Variants in TSHR observed in about 807,000 individuals in gnomAD.
The protein encoded by TSHR is thyrotropin receptor.
TSHR carries 51 observed loss-of-function variants against 64.1 expected under a neutral mutation model. That is an observed-to-expected ratio of 0.80 (90% CI 0.64 to 1.01). The LOEUF is 1.01. Among genes scored for constraint, TSHR ranks in the 50% least tolerant of loss-of-function variants. TSHR has a pLI of 0.00. For synonymous variants in TSHR, 361 were observed against 361.9 expected (o/e 1.00, Z 0.03); for missense variants, 877 against 942.8 (o/e 0.93, Z 0.91).
intron 1 of TSHR, among the ~76,000 whole-genome samples, chr14:81,038,852 G>GA (rs1359135279): frequency 1.3e-5 from 2 of 151,282 alleles, no homozygotes; most frequent in Non-Finnish European, 3.0e-5. Context: ...ATTGATAATA[G>GA]AAAATATGAA....
intron 8 of TSHR, among the ~76,000 whole-genome samples, chr14:81,126,280 A>C (rs1484482015): frequency 6.6e-6 from 1 of 152,238 alleles, no homozygotes; most frequent in South Asian, 2.1e-4. Flanking sequence ...CCTCAAAATC[A>C]TACAAACCTT....
intron 1 of TSHR, among the ~76,000 whole-genome samples, chr14:81,057,658 A>G (rs944065200): frequency 3.3e-5 from 5 of 152,208 alleles, no homozygotes; most frequent in African/African-American, 1.2e-4. Context: ...TGATTGATTG[A>G]CACAGGTGGT....
chr14:81,059,520 T>C (rs1347267741), intron 1 of TSHR, among the ~76,000 whole-genome samples: 3 of 152,192 alleles, frequency 2.0e-5, no homozygotes, highest in Non-Finnish European at 2.9e-5. Context: ...CAACTAGTTG[T>C]CATTCTAATA....
At chr14:80,970,529 T>A (rs1887538179) in intron 1 of TSHR, among the ~76,000 whole-genome samples, 1 of 152,234 alleles carries the variant, frequency 6.6e-6, no homozygotes, top group South Asian at 2.1e-4. Context: ...ATTCTCTTCT[T>A]GGGACCTGCT....
intron 1 of TSHR, chr14:81,052,979 G>C (rs1458939114): frequency 6.6e-6 from 1 of 152,066 alleles, no homozygotes; most frequent in African/African-American, 2.4e-5. Context: ...GTACTGTACT[G>C]TAAAGAATTG....
At chr14:81,073,844 C>G (rs1229714196) in intron 3 of TSHR, among the ~76,000 whole-genome samples, 1 of 152,100 alleles carries the variant, frequency 6.6e-6, no homozygotes, top group Admixed American at 6.5e-5. Context: ...GGATCCAGTA[C>G]AGTAAAGACA....
chr14:81,102,194 T>C (rs1230710788), intron 7 of TSHR, among the ~76,000 whole-genome samples: 1 of 146,920 alleles, frequency 6.8e-6, no homozygotes, highest in Admixed American at 6.7e-5. Context: ...AAAAAAAAAC[T>C]AAACAATAGT....
chr14:81,045,270 G>A (rs1594994703), intron 1 of TSHR, among the ~76,000 whole-genome samples: 1 of 152,290 alleles, frequency 6.6e-6, no homozygotes, highest in East Asian at 1.9e-4. Flanking sequence ...CAATGCATTA[G>A]GGAGAATTGC....
chr14:81,133,949 A>T (rs1011093823), intron 8 of TSHR, among the ~76,000 whole-genome samples: 1 of 152,160 alleles, frequency 6.6e-6, no homozygotes, highest in Non-Finnish European at 1.5e-5. Context: ...TATTGAGAAC[A>T]CACTAAGAGC....
intron 8 of TSHR, among the ~76,000 whole-genome samples, chr14:81,114,372 G>A (rs1039765272): frequency 7.2e-5 from 11 of 152,342 alleles, no homozygotes; most frequent in Middle Eastern, 3.4e-3. Context: ...CTCCAGAAGC[G>A]CAAGCGGTCA....
At chr14:81,033,371 C>A in intron 1 of TSHR, 1 of 265,170 alleles carries the variant, frequency 3.8e-6, no homozygotes, top group Non-Finnish European at 7.6e-6. Context: ...AGGGGCCATC[C>A]TGGCCACTTT....
intron 1 of TSHR, chr14:81,050,639 C>A (rs1365991414): frequency 6.6e-6 from 1 of 152,122 alleles, no homozygotes; most frequent in Non-Finnish European, 1.5e-5. Flanking sequence ...GTGGTAGGTA[C>A]AATCCTATAA....
intron 3 of TSHR, among the ~76,000 whole-genome samples, chr14:81,077,592 C>T (rs964342941): frequency 1.3e-5 from 2 of 152,168 alleles, no homozygotes; most frequent in Non-Finnish European, 2.9e-5. Flanking sequence ...ATTTAAAATG[C>T]ATTTCATGTA....
In TSHR at chr14:81,002,807, T is replaced by A. The variant is rs1566757939; in HGVS notation, c.170+46957T>A. On this transcript the variant is annotated intron_variant, in intron 1 of 9. Transcript: ENST00000298171. ...TTTTTTTTTTTTTTTTTTTTTTTTT[T>A]ATCTTTTTTTTTTTTTTCTTTTTTT... Among the ~76,000 whole-genome samples the A allele has an allele frequency of 1.1e-3, 28 of 24,384 alleles. 2 individuals are homozygous for A. The highest frequency in any genetic ancestry group is 6.6e-3 in the East Asian group (2 of 302). 16.0% of individuals were successfully genotyped at this position (24,384 alleles called of 152,430 possible). A position where few individuals can be genotyped will look rare whatever the true frequency, so the allele number is the denominator to read the frequency against.
At chr14:81,044,126 A>C (rs2139851662) in intron 1 of TSHR, among the ~76,000 whole-genome samples, 1 of 152,368 alleles carries the variant, frequency 6.6e-6, no homozygotes, top group African/African-American at 2.4e-5. Context: ...CAGCAAAAGA[A>C]ACTATCATCA....
chr14:80,983,314 A>T, intron 1 of TSHR: 1 of 1,118,128 alleles, frequency 8.9e-7, no homozygotes, highest in Non-Finnish European at 1.3e-6. Context: ...GTCCATCACT[A>T]CATTGTTGCC....
intron 1 of TSHR, among the ~76,000 whole-genome samples, chr14:81,058,696 T>C (rs945327342): frequency 2.0e-5 from 3 of 152,246 alleles, no homozygotes; most frequent in Non-Finnish European, 4.4e-5. Context: ...GTGAAGCACT[T>C]TGAAGATTTT....
chr14:81,101,108 G>T (rs1436175463), intron 7 of TSHR, among the ~76,000 whole-genome samples: 2 of 152,064 alleles, frequency 1.3e-5, no homozygotes, highest in Admixed American at 6.6e-5. Flanking sequence ...TTGTCACTCT[G>T]GAAATTCCAA....
At position 81,117,275 on chromosome 14, in the gene TSHR, T is replaced by C. The variant is rs2140054656; in HGVS notation, c.692+8823T>C. ...TTTTTGAAAGGATCAACAAAATAGA[T>C]AGACCACTAGCAAGACTACTAAAGA... is the stretch of plus-strand genomic sequence containing the variant. On this transcript the variant is annotated intron_variant, in intron 8 of 9. Transcript: ENST00000298171. Among the ~76,000 whole-genome samples, 2 of 122,400 alleles carry C rather than the reference T, an allele frequency of 1.6e-5. 1 individual carries two copies. The highest frequency in any genetic ancestry group is 5.8e-4 in the South Asian group (2 of 3,468). 80.3% of individuals were successfully genotyped at this position (122,400 alleles called of 152,430 possible).
Sources: gnomAD v4.1 joint callset for allele counts (sites outside exome capture counted in the v4.1 genomes callset) on GRCh38, gnomAD v4.1.1 for gene constraint, MANE v1.5 for transcripts, NCBI Gene and HGNC (gene_info 2026-07-23, HGNC 2026-07-21) for gene names.